The following CLEC17A variants were observed in gnomAD, a reference collection of about 807,000 sequenced individuals.
The protein encoded by CLEC17A is C-type lectin domain containing 17A.
A neutral mutation model predicts 61.3 loss-of-function variants in CLEC17A; 37 were observed. The observed-to-expected ratio is 0.60, with a 90% CI of 0.46 to 0.79. CLEC17A has a LOEUF of 0.79. Ranked by LOEUF, CLEC17A falls within the 30% of genes least tolerant of loss-of-function variation. The pLI, the probability that CLEC17A is intolerant of heterozygous loss-of-function variation, is 0.00. For synonymous variants in CLEC17A, 168 were observed against 164.9 expected, an observed-to-expected ratio of 1.02 and a Z score of -0.14; for missense variants, 418 against 464.7, an observed-to-expected ratio of 0.90 and a Z score of 0.92.
rs1599589630 is a variant in CLEC17A, at chr19:14,611,153, C to T, written c.*957C>T. 2 of 152,110 alleles carry T rather than the reference C, an allele frequency of 1.3e-5. No homozygotes were observed. The highest frequency in any genetic ancestry group is 3.9e-4 in the East Asian group (2 of 5,176). The allele number at this position is 152,110 out of a possible 1,614,324, so 9.4% of individuals were successfully genotyped here. On this transcript the variant is annotated 3_prime_UTR_variant, in exon 14 of 14. Coordinates refer to ENST00000417570, the MANE Select transcript of CLEC17A (RefSeq NM_001204118.2). ...ATTGCAAATTACAAACCTAAAAATACAGAACATCAGCGGAGAAGACAGGAG... is the reference window on the plus strand; with the variant it reads ...ATTGCAAATTACAAACCTAAAAATATAGAACATCAGCGGAGAAGACAGGAG...
chr19:14,595,275 T>G lies in CLEC17A; in HGVS notation c.405T>G (p.Ala135=), dbSNP rs768208134. Residue 135 remains alanine (A), a splice_region_variant and synonymous_variant, in exon 8 of 14, where the codon GCT becomes GCG. Coordinates refer to ENST00000417570, the MANE Select transcript of CLEC17A (RefSeq NM_001204118.2). ...AAVTCPPPQL[A]VNLEPSPLQP... is the part of the protein sequence containing the mutation. The stretch of plus-strand genomic sequence containing the variant: ...AACCTCTCTCCCCCTTTCTCCCAGC[T>G]GTGAATCTTGAGCCTTCTCCATTGC... 1 of 1,613,964 alleles carries G rather than the reference T, an allele frequency of 6.2e-7. No individual in the cohort carries two copies. The highest frequency in any genetic ancestry group is 8.5e-7 in the Non-Finnish European group (1 of 1,179,838).
At chr19:14,583,713 G>A (rs2074220789) in intron 2 of CLEC17A, among the ~76,000 whole-genome samples, 1 of 152,082 alleles carries the variant, frequency 6.6e-6, no homozygotes, top group South Asian at 2.1e-4. Context: ...TTTGGGGTGG[G>A]GCTTGAGGGA....
chr19:14,582,275 C>A (rs182031436), upstream of CLEC17A, among the ~76,000 whole-genome samples: 3 of 145,326 alleles, frequency 2.1e-5, no homozygotes, highest in Non-Finnish European at 4.5e-5. Context: ...TGCAGTGGTG[C>A]GATCTCGGCT....
chr19:14,600,637 A>G (rs1296791485), intron 12 of CLEC17A, among the ~76,000 whole-genome samples: 1 of 150,992 alleles, frequency 6.6e-6, no homozygotes, highest in South Asian at 2.1e-4. Context: ...GCTGGAGTGC[A>G]GTGGCTGGAT....
intron 10 of CLEC17A, 42 bp downstream of exon 10, chr19:14,597,203 C>A (rs371249026): frequency 1.3e-6 from 2 of 1,549,784 alleles, no homozygotes; most frequent in Non-Finnish European, 1.8e-6. Flanking sequence ...TCCTATTGAG[C>A]CCTAACCCAA....
intron 12 of CLEC17A, 147 bp downstream of exon 12, chr19:14,600,329 T>C (rs2074672561): frequency 1.0e-6 from 1 of 982,512 alleles, no homozygotes; most frequent in African/African-American, 1.6e-5. Flanking sequence ...CTTCCTAAGG[T>C]AGTATCATGC....
intron 13 of CLEC17A, among the ~76,000 whole-genome samples, chr19:14,609,658 T>C (rs920274651): frequency 6.6e-6 from 1 of 150,982 alleles, no homozygotes; most frequent in African/African-American, 2.4e-5. Context: ...GCCAACATGG[T>C]GAAACCCCGT....
intron 11 of CLEC17A, 93 bp from the exon 12 acceptor site, chr19:14,599,938 G>T: frequency 6.5e-7 from 1 of 1,546,478 alleles, no homozygotes; most frequent in South Asian, 1.2e-5. Context: ...CACCGGAGTT[G>T]AGCAGTGTAC....
chr19:14,602,350 C>T (rs76235719), intron 12 of CLEC17A, among the ~76,000 whole-genome samples: 1,844 of 152,272 alleles, frequency 0.012, 37 homozygotes, highest in African/African-American at 0.042. Flanking sequence ...AGTGCAGTGG[C>T]GCAGCCTCAG....
intron 2 of CLEC17A, chr19:14,584,097 C>T (rs1044396390): frequency 2.7e-5 from 4 of 146,290 alleles, no homozygotes; most frequent in Admixed American, 6.7e-5. Flanking sequence ...AGGTTTGGGC[C>T]GTGTGTGGTG....
chr19:14,592,487 A>C (rs28736680), intron 4 of CLEC17A, 129 bp downstream of exon 4: 196,825 of 1,512,984 alleles, frequency 0.13, 22,187 homozygotes, highest in African/African-American at 0.6. Context: ...ACTGTGCAAC[A>C]CACACCCTGC....
chr19:14,595,157 C>G, intron 7 of CLEC17A, 117 bp from the exon 8 acceptor site: 2 of 1,172,952 alleles, frequency 1.7e-6, no homozygotes, highest in Non-Finnish European at 2.5e-6. Context: ...CAGGCGTGAG[C>G]CACTGCCCAC....
rs539684391 is a variant in CLEC17A, at chr19:14,604,250, G to A, written c.895-2743G>A. ...TTTTAGAGTCTCCAAACCCATCTGGGGTTTTTACCATCACCTGAAAAGCTC... is the reference window on the plus strand; with the variant it reads ...TTTTAGAGTCTCCAAACCCATCTGGAGTTTTTACCATCACCTGAAAAGCTC... On this transcript the variant is annotated intron_variant, in intron 12 of 13. Transcript: ENST00000417570. 1.6e-3 allele frequency among the ~76,000 whole-genome samples: 246 copies of A among 152,080 alleles called. 1 individual carries two copies. Among genetic ancestry groups the A allele is most frequent in the Non-Finnish European group, 3.0e-3 (203 of 67,980 alleles).
intron 12 of CLEC17A, among the ~76,000 whole-genome samples, chr19:14,603,068 A>T (rs2074763970): frequency 6.6e-6 from 1 of 152,212 alleles, no homozygotes; most frequent in Non-Finnish European, 1.5e-5. Context: ...AAATTAGGTA[A>T]TGTAAATGAG....
chr19:14,584,384 G>C (rs1405546396), intron 2 of CLEC17A: 5 of 152,080 alleles, frequency 3.3e-5, no homozygotes, highest in African/African-American at 1.2e-4. Context: ...AGCATAGCGC[G>C]ACTCCACTTC....
chr19:14,608,203 T>C (rs950709136), intron 13 of CLEC17A, among the ~76,000 whole-genome samples: 1 of 152,170 alleles, frequency 6.6e-6, no homozygotes, highest in African/African-American at 2.4e-5. Context: ...AAAATTCCTG[T>C]CCTGTTTGGT....
rs538358775 is a variant in CLEC17A, at chr19:14,590,543, G to A, written c.200-1738G>A. Among the ~76,000 whole-genome samples the A allele has an allele frequency of 4.3e-4, 66 of 152,078 alleles. 1 individual carries two copies. Among genetic ancestry groups the A allele is most frequent in the African/African-American group, 1.6e-3 (65 of 41,484 alleles). On this transcript the variant is annotated intron_variant, in intron 3 of 13. Transcript: ENST00000417570. ...AGCGGGATTACAGGCATGTGCCACC[G>A]TGCCCGGCTAATTTTGTATTTTTAG...
At chr19:14,583,583 C>T (rs1039849333) in intron 2 of CLEC17A, 149 bp downstream of exon 2, 231 of 1,503,304 alleles carry the variant, frequency 1.5e-4, no homozygotes, top group Non-Finnish European at 2.0e-4. Flanking sequence ...CCCAGGACGA[C>T]CTGTCAGTCT....
rs756886092 is a variant in CLEC17A, at chr19:14,597,169, C to T, written c.646+8C>T. 3.1e-6 allele frequency: 5 copies of T among 1,604,412 alleles called. No individual in the cohort carries two copies. Among genetic ancestry groups the T allele is most frequent in the Non-Finnish European group, 4.3e-6 (5 of 1,175,056 alleles). On this transcript the variant is annotated splice_region_variant and intron_variant, in intron 10 of 13. Coordinates refer to ENST00000417570, the MANE Select transcript of CLEC17A (RefSeq NM_001204118.2). ...TGACGTGGCGAACAAATAGTGAGTGCTTTCAGTCATTCCTTCATGCCACTC... is the reference window on the plus strand; with the variant it reads ...TGACGTGGCGAACAAATAGTGAGTGTTTTCAGTCATTCCTTCATGCCACTC...
Sources: gnomAD v4.1 joint callset for allele counts (sites outside exome capture counted in the v4.1 genomes callset) on GRCh38, gnomAD v4.1.1 for gene constraint, MANE v1.5 for transcripts, NCBI Gene and HGNC (gene_info 2026-07-23, HGNC 2026-07-21) for gene names.